HRH1: variants seen among roughly 807,000 people sequenced by gnomAD.
HRH1 encodes histamine receptor H1.
A neutral mutation model predicts 10.3 loss-of-function variants in HRH1; 6 were observed. That is an observed-to-expected ratio of 0.58 (90% CI 0.32 to 1.15). HRH1 has a LOEUF of 1.15. Among genes scored for constraint, HRH1 ranks in the 50% most tolerant of loss-of-function variants. The pLI, the probability that HRH1 is intolerant of heterozygous loss-of-function variation, is 0.05. For synonymous variants in HRH1, 242 were observed against 236.7 expected, an observed-to-expected ratio of 1.02 and a Z score of -0.21; for missense variants, 514 against 615.3, an observed-to-expected ratio of 0.84 and a Z score of 1.74.
chr3:11,199,329 C>T (rs1937806982), intron 1 of HRH1, among the ~76,000 whole-genome samples: 1 of 152,196 alleles, frequency 6.6e-6, no homozygotes, highest in Non-Finnish European at 1.5e-5. Flanking sequence ...CTAGTGCTTA[C>T]TTATGAAGCA....
chr3:11,147,348 C>T (rs1278397309), intron 1 of HRH1, among the ~76,000 whole-genome samples: 1 of 152,164 alleles, frequency 6.6e-6, no homozygotes, highest in Non-Finnish European at 1.5e-5. Flanking sequence ...GCACCCACTA[C>T]ATCTAGAGTC....
Position 11,260,413 on chromosome 3 carries a change from T to A in HRH1, c.1376T>A (p.Ile459Asn). 6.2e-7 allele frequency: 1 copy of A among 1,614,176 alleles called. No individual in the cohort carries two copies. Among genetic ancestry groups the A allele is most frequent in the Non-Finnish European group, 8.5e-7 (1 of 1,180,014 alleles). Residue 459 changes from isoleucine (I) to asparagine (N), a missense_variant, in exon 2 of 2, where the codon ATC (isoleucine) becomes AAC (asparagine). Ile to Asn is a moderately radical substitution (Grantham distance 149). Transcript: ENST00000431010. Reference sequence around the variant, plus strand: ...ATGTTCACCATCTGGCTGGGCTACATCAACTCCACACTGAACCCCCTCATC... The same window carrying A: ...ATGTTCACCATCTGGCTGGGCTACAACAACTCCACACTGAACCCCCTCATC... ...LHMFTIWLGY[I>N]NSTLNPLIYP...
In HRH1 at chr3:11,260,532, T is replaced by A. The variant is rs1939927512; in HGVS notation, c.*31T>A. 1 of 1,535,272 alleles carries A rather than the reference T, an allele frequency of 6.5e-7. No homozygotes were observed. The highest frequency in any genetic ancestry group is 2.0e-5 in the Admixed American group (1 of 49,156). On this transcript the variant is annotated 3_prime_UTR_variant, in exon 2 of 2. Coordinates refer to ENST00000431010, the MANE Select transcript of HRH1 (RefSeq NM_001098212.2). Reference sequence around the variant, plus strand: ...GCTCTGAGGGGATGCAACAAAATGATCCTTATGATGTCCAACAAGGAAATA... The same window carrying A: ...GCTCTGAGGGGATGCAACAAAATGAACCTTATGATGTCCAACAAGGAAATA...
At chr3:11,202,280 T>A (rs1451225553) in intron 1 of HRH1, among the ~76,000 whole-genome samples, 1 of 151,632 alleles carries the variant, frequency 6.6e-6, no homozygotes, top group South Asian at 2.1e-4. Context: ...GGTGAGCGCC[T>A]TGTAATCCCA....
intron 1 of HRH1, chr3:11,234,112 CT>C (rs1189459236): frequency 8.3e-6 from 5 of 602,250 alleles, no homozygotes; most frequent in African/African-American, 3.7e-5. Context: ...GTCAAGACCC[CT>C]GATCATCAAA....
chr3:11,225,879 A>G (rs1296313360), intron 1 of HRH1, among the ~76,000 whole-genome samples: 3 of 152,202 alleles, frequency 2.0e-5, no homozygotes, highest in African/African-American at 7.2e-5. Context: ...GTTGTAATTG[A>G]GGTCTGTGCA....
chr3:11,252,357 G>A (rs1015184720), intron 1 of HRH1, among the ~76,000 whole-genome samples: 1 of 152,190 alleles, frequency 6.6e-6, no homozygotes, highest in African/African-American at 2.4e-5. Context: ...CATGGGTTGA[G>A]AAAGCTGCTA....
chr3:11,141,168 A>T (rs1436557075), intron 1 of HRH1, among the ~76,000 whole-genome samples: 1 of 152,038 alleles, frequency 6.6e-6, no homozygotes, highest in Non-Finnish European at 1.5e-5. Flanking sequence ...AAGGTCAGGG[A>T]CTCTGCAGGG....
intron 1 of HRH1, among the ~76,000 whole-genome samples, chr3:11,236,999 G>A (rs1939198692): frequency 6.6e-6 from 1 of 152,160 alleles, no homozygotes; most frequent in Non-Finnish European, 1.5e-5. Flanking sequence ...TCCTCAAGAA[G>A]AGAACAGCCT....
intron 1 of HRH1, among the ~76,000 whole-genome samples, chr3:11,235,602 G>A (rs896057892): frequency 3.9e-5 from 6 of 152,222 alleles, no homozygotes; most frequent in African/African-American, 1.4e-4. Flanking sequence ...ACACCATGGG[G>A]GTGGGTGCAG....
chr3:11,217,817 GACAA>G (rs1165572993), intron 1 of HRH1, among the ~76,000 whole-genome samples: 2 of 152,120 alleles, frequency 1.3e-5, no homozygotes, highest in Non-Finnish European at 2.9e-5. Context: ...TAGAAAATGA[GACAA>G]ACAGACATTA....
intron 1 of HRH1, among the ~76,000 whole-genome samples, chr3:11,247,730 G>A (rs1397333741): frequency 6.6e-6 from 1 of 152,170 alleles, no homozygotes; most frequent in Admixed American, 6.5e-5. Context: ...TGATTTTATA[G>A]TTTTTCCTCT....
At chr3:11,220,589 G>T (rs143758158) in intron 1 of HRH1, among the ~76,000 whole-genome samples, 1 of 152,216 alleles carries the variant, frequency 6.6e-6, no homozygotes, top group Non-Finnish European at 1.5e-5. Flanking sequence ...CAGCTGAGAC[G>T]GTAAATTGGT....
intron 1 of HRH1, among the ~76,000 whole-genome samples, chr3:11,256,949 G>T (rs1939797659): frequency 6.6e-6 from 1 of 151,736 alleles, no homozygotes; most frequent in Non-Finnish European, 1.5e-5. Flanking sequence ...ACTTTTTGAT[G>T]AATATGAAAA....
At position 11,208,153 on chromosome 3, in the gene HRH1, CT is replaced by C. The variant is rs113950173; in HGVS notation, c.-35-50833del. The stretch of plus-strand genomic sequence containing the variant: ...AATTTTAGATTGACTCCAGTTTTTT[CT>C]TTTTTTTTTTTTTTTTGAGACAGGC... On this transcript the variant is annotated intron_variant, in intron 1 of 1. Transcript: ENST00000431010. Among the ~76,000 whole-genome samples, 453 of 139,932 alleles carry C rather than the reference CT, an allele frequency of 3.2e-3. 3 individuals are homozygous for C. Among genetic ancestry groups the C allele is most frequent in the East Asian group, 0.017 (84 of 4,876 alleles). 91.8% of individuals were successfully genotyped at this position (139,932 alleles called of 152,430 possible). A position where few individuals can be genotyped will look rare whatever the true frequency, so the allele number is the denominator to read the frequency against.
chr3:11,234,252 A>G (rs1939115549), intron 1 of HRH1: 2 of 1,538,780 alleles, frequency 1.3e-6, no homozygotes, highest in African/African-American at 2.7e-5. Flanking sequence ...TGTGGCCTTC[A>G]TTAACTTGAC....
chr3:11,227,512 C>A (rs966616786), intron 1 of HRH1, among the ~76,000 whole-genome samples: 3 of 152,080 alleles, frequency 2.0e-5, no homozygotes, highest in African/African-American at 7.2e-5. Flanking sequence ...GTCTCAAACT[C>A]CTGACCTAGG....
chr3:11,249,087 GAA>G (rs1939566320), intron 1 of HRH1, among the ~76,000 whole-genome samples: 2 of 152,128 alleles, frequency 1.3e-5, no homozygotes, highest in Admixed American at 1.3e-4. Flanking sequence ...TATGAAGTGA[GAA>G]AAGGTTTGGT....
At chr3:11,255,729 G>A (rs1939765831) in intron 1 of HRH1, among the ~76,000 whole-genome samples, 3 of 152,196 alleles carry the variant, frequency 2.0e-5, no homozygotes. Flanking sequence ...CAGGTCTTAG[G>A]AAGATAAGAG....
Sources: gnomAD v4.1 joint callset for allele counts (sites outside exome capture counted in the v4.1 genomes callset) on GRCh38, gnomAD v4.1.1 for gene constraint, MANE v1.5 for transcripts, NCBI Gene and HGNC (gene_info 2026-07-23, HGNC 2026-07-21) for gene names.